Variants in RBBP8 observed in about 807,000 individuals in gnomAD.
RBBP8 encodes the protein DNA endonuclease RBBP8.
RBBP8 carries 88 observed loss-of-function variants against 108.3 expected under a neutral mutation model. The ratio of observed to expected loss-of-function variants is 0.81; its 90% confidence interval spans 0.68 to 0.97. The LOEUF (loss-of-function observed/expected upper bound fraction) is 0.97. Among genes scored for constraint, RBBP8 ranks in the 50% least tolerant of loss-of-function variants. RBBP8 has a pLI of 0.00. For synonymous variants in RBBP8, 332 were observed against 348.2 expected (o/e 0.95, Z 0.52); for missense variants, 1,023 against 1,049.0 (o/e 0.98, Z 0.34).
chr18:22,998,714 A>G (rs2045899497), intron 14 of RBBP8, among the ~76,000 whole-genome samples: 1 of 152,244 alleles, frequency 6.6e-6, no homozygotes, highest in African/African-American at 2.4e-5. Context: ...AAAATAAAAT[A>G]GTCTTGCCCT....
At chr18:23,000,206 G>A (rs1013554582) in intron 14 of RBBP8, among the ~76,000 whole-genome samples, 1 of 152,124 alleles carries the variant, frequency 6.6e-6, no homozygotes. Context: ...CGTTGGGAGA[G>A]GTGGTACTTA....
chr18:22,944,471 G>T (rs1911378031), intron 2 of RBBP8, among the ~76,000 whole-genome samples: 1 of 152,128 alleles, frequency 6.6e-6, no homozygotes, highest in South Asian at 2.1e-4. Flanking sequence ...AATCTGTCAA[G>T]TAAAATTTCG....
At chr18:22,943,450 A>T (rs1911272394) in intron 2 of RBBP8, among the ~76,000 whole-genome samples, 1 of 151,720 alleles carries the variant, frequency 6.6e-6, no homozygotes, top group Non-Finnish European at 1.5e-5. Context: ...TAATAATAAT[A>T]TTATTATTAT....
exon 1 of RBBP8, chr18:22,914,176 A>G (rs1045434722): frequency 3.3e-5 from 5 of 152,230 alleles, no homozygotes; most frequent in African/African-American, 9.6e-5. Context: ...AGTAGTGTCT[A>G]GCAAACCAGT....
At chr18:23,001,879 G>T in intron 15 of RBBP8, 150 bp downstream of exon 15, 1 of 1,171,472 alleles carries the variant, frequency 8.5e-7, no homozygotes, top group Non-Finnish European at 1.2e-6. Context: ...AAAATTTTGA[G>T]ATAATTTTAC....
intron 4 of RBBP8, among the ~76,000 whole-genome samples, chr18:22,966,023 C>G (rs1598675602): frequency 6.6e-6 from 1 of 152,334 alleles, no homozygotes; most frequent in East Asian, 1.9e-4. Flanking sequence ...CAATTCTCAG[C>G]TTTTCCTATC....
At chr18:23,003,814 T>C (rs1336997028) in intron 15 of RBBP8, among the ~76,000 whole-genome samples, 2 of 151,980 alleles carry the variant, frequency 1.3e-5, no homozygotes, top group Non-Finnish European at 2.9e-5. Context: ...CTCAGAAAAC[T>C]AAAAATGGCC....
At chr18:23,019,808 C>CTGAA (rs1207961628) in intron 17 of RBBP8, among the ~76,000 whole-genome samples, 1 of 143,686 alleles carries the variant, frequency 7.0e-6, no homozygotes, top group East Asian at 2.0e-4. Context: ...GTTGCCCAGG[C>CTGAA]TGAAGCACAG....
rs76063878 is a variant in RBBP8, at chr18:22,954,877, A to C, written c.248+5164A>C. Among the ~76,000 whole-genome samples the C allele has an allele frequency of 4.4e-4, 67 of 152,184 alleles. No individual in the cohort carries two copies. The East Asian group carries it at 7.6e-3, about 17-fold the overall frequency. On this transcript the variant is annotated intron_variant, in intron 4 of 18. Transcript: ENST00000327155. ...TATGAAACCATCAGATCTCGTTAGA[A>C]CTCACTATCAAGAGAACAGCAGCAT... is the stretch of plus-strand genomic sequence containing the variant.
chr18:22,921,379 T>A (rs992804198), intron 3 of RBBP8, among the ~76,000 whole-genome samples: 1 of 152,090 alleles, frequency 6.6e-6, no homozygotes, highest in African/African-American at 2.4e-5. Context: ...CAGTTAAGAG[T>A]TGCCGCATGG....
intron 4 of RBBP8, among the ~76,000 whole-genome samples, chr18:22,964,100 C>T (rs1179016439): frequency 2.6e-5 from 4 of 152,050 alleles, no homozygotes; most frequent in Admixed American, 2.0e-4. Flanking sequence ...TCTGAGTTTT[C>T]TTTTTTCCCC....
chr18:22,936,107 A>C (rs1175184102), intron 1 of RBBP8, among the ~76,000 whole-genome samples: 1 of 151,854 alleles, frequency 6.6e-6, no homozygotes, highest in African/African-American at 2.4e-5. Context: ...TAAAAAAACC[A>C]ATTTTTTTTT....
At chr18:22,958,885 T>C (rs1912825892) in intron 4 of RBBP8, among the ~76,000 whole-genome samples, 1 of 152,220 alleles carries the variant, frequency 6.6e-6, no homozygotes, top group African/African-American at 2.4e-5. Context: ...AAAAAACTTC[T>C]TGTACTAATT....
intron 4 of RBBP8, among the ~76,000 whole-genome samples, chr18:22,962,881 A>G (rs546775578): frequency 2.6e-4 from 40 of 152,260 alleles, no homozygotes; most frequent in Non-Finnish European, 5.0e-4. Flanking sequence ...AGTTACAGGC[A>G]TGAGCCACCG....
chr18:22,924,418 C>T (rs2144344388), intron 3 of RBBP8, among the ~76,000 whole-genome samples: 1 of 152,192 alleles, frequency 6.6e-6, no homozygotes, highest in South Asian at 2.1e-4. Context: ...TGGGCCACTG[C>T]CCCCAGCCAA....
At chr18:22,984,280 T>G (rs1217470340) in intron 7 of RBBP8, among the ~76,000 whole-genome samples, 3 of 152,170 alleles carry the variant, frequency 2.0e-5, no homozygotes, top group Non-Finnish European at 2.9e-5. Context: ...TGGAGTGATT[T>G]CTGATAAAGC....
At chr18:22,971,201 C>G (rs1567968920) in intron 5 of RBBP8, among the ~76,000 whole-genome samples, 1 of 151,718 alleles carries the variant, frequency 6.6e-6, no homozygotes, top group Non-Finnish European at 1.5e-5. Context: ...TTGCTTCAGT[C>G]TCACTAGCCA....
intron 17 of RBBP8, among the ~76,000 whole-genome samples, chr18:23,019,986 TCTC>T (rs2046322438): frequency 2.0e-5 from 3 of 151,632 alleles, no homozygotes; most frequent in Non-Finnish European, 4.4e-5. Flanking sequence ...ATGGTCTCGA[TCTC>T]CTGACCTCGT....
intron 16 of RBBP8, among the ~76,000 whole-genome samples, chr18:23,011,114 G>A (rs2046151821): frequency 6.6e-6 from 1 of 152,146 alleles, no homozygotes; most frequent in African/African-American, 2.4e-5. Flanking sequence ...AAACAAAAAA[G>A]GACTTATACT....
Sources: gnomAD v4.1 joint callset for allele counts (sites outside exome capture counted in the v4.1 genomes callset) on GRCh38, gnomAD v4.1.1 for gene constraint, MANE v1.5 for transcripts, NCBI Gene and HGNC (gene_info 2026-07-23, HGNC 2026-07-21) for gene names.